BTG4: variants seen among roughly 807,000 people sequenced by gnomAD.
BTG4 encodes the protein BTG anti-proliferation factor 4.
BTG4 carries 10 observed loss-of-function variants against 19.3 expected under a neutral mutation model. The observed-to-expected ratio is 0.52, with a 90% CI of 0.32 to 0.88. The LOEUF is 0.88. BTG4 is among the 40% of genes least tolerant of loss of function. The pLI is 0.04. For missense variants in BTG4, 238 were observed against 281.9 expected (o/e 0.84, Z 1.11); for synonymous variants, 91 against 95.7 (o/e 0.95, Z 0.29).
At chr11:111,389,634 T>G in the BTG4 span, among the ~76,000 whole-genome samples, 1 of 152,268 alleles carries the variant, frequency 6.6e-6, no homozygotes, top group Non-Finnish European at 1.5e-5. Flanking sequence ...TACTACTTTT[T>G]CATTAATAAT....
At chr11:111,510,325 C>G (rs1866795413) in intron 1 of BTG4, among the ~76,000 whole-genome samples, 1 of 152,196 alleles carries the variant, frequency 6.6e-6, no homozygotes, top group African/African-American at 2.4e-5. Flanking sequence ...GTTTTCTACA[C>G]TCTTCTTGGC....
the BTG4 span, among the ~76,000 whole-genome samples, chr11:111,407,366 G>A: frequency 1.8e-4 from 27 of 152,094 alleles, no homozygotes; most frequent in Non-Finnish European, 7.3e-5. Flanking sequence ...AGAGAAAGAT[G>A]TAGTTATAAA....
chr11:111,442,711 A>G, the BTG4 span, among the ~76,000 whole-genome samples: 43 of 1,866 alleles, frequency 0.023, no homozygotes, highest in South Asian at 0.47. Flanking sequence ...AAGACAGGGA[A>G]AAAAAAAAAC....
chr11:111,402,580 G>A, the BTG4 span, among the ~76,000 whole-genome samples: 1 of 152,080 alleles, frequency 6.6e-6, no homozygotes, highest in Non-Finnish European at 1.5e-5. Context: ...ACTAGCAGAC[G>A]CTCAACAAAT....
At chr11:111,399,336 C>T in the BTG4 span, 1 of 152,182 alleles carries the variant, frequency 6.6e-6, no homozygotes, top group Non-Finnish European at 1.5e-5. Context: ...AAAGCTCTTC[C>T]CCGACCTCCT....
chr11:111,509,929 T>C (rs1322258339), intron 1 of BTG4, among the ~76,000 whole-genome samples: 42 of 145,110 alleles, frequency 2.9e-4, no homozygotes, highest in Non-Finnish European at 1.5e-4. Flanking sequence ...TTTTTTTTTT[T>C]GAGATGGAGT....
intron 3 of BTG4, among the ~76,000 whole-genome samples, chr11:111,497,694 A>T (rs542056217): frequency 2.0e-5 from 3 of 152,340 alleles, no homozygotes; most frequent in Non-Finnish European, 4.4e-5. Context: ...TGTTGCCTAT[A>T]ACACTTATCT....
chr11:111,424,756 G>A, the BTG4 span, among the ~76,000 whole-genome samples: 41 of 152,182 alleles, frequency 2.7e-4, no homozygotes, highest in Non-Finnish European at 1.0e-4. Context: ...TCAAGAGTTC[G>A]AGACCAGCCT....
At chr11:111,422,012 G>A in the BTG4 span, among the ~76,000 whole-genome samples, 1 of 152,284 alleles carries the variant, frequency 6.6e-6, no homozygotes, top group South Asian at 2.1e-4. Context: ...AGTTGCTGGA[G>A]AGCAAGTCAA....
intron 5 of BTG4, among the ~76,000 whole-genome samples, chr11:111,480,837 T>C (rs1013246581): frequency 1.3e-5 from 2 of 151,312 alleles, no homozygotes; most frequent in African/African-American, 4.8e-5. Flanking sequence ...GTATATACAT[T>C]AGAAAAGAGG....
At chr11:111,488,386 G>A (rs1471590078) in intron 5 of BTG4, among the ~76,000 whole-genome samples, 1 of 152,090 alleles carries the variant, frequency 6.6e-6, no homozygotes, top group African/African-American at 2.4e-5. Flanking sequence ...GGGGAAAACT[G>A]GATATCCATA....
At chr11:111,439,092 C>T in the BTG4 span, among the ~76,000 whole-genome samples, 2 of 152,352 alleles carry the variant, frequency 1.3e-5, no homozygotes, top group East Asian at 3.9e-4. Flanking sequence ...GGTTGGGACC[C>T]CAGGGAGGCT....
chr11:111,491,681 G>A (rs1395994161), downstream of BTG4, among the ~76,000 whole-genome samples: 1 of 146,094 alleles, frequency 6.8e-6, no homozygotes, highest in Non-Finnish European at 1.5e-5. Context: ...GCTGCAGTGA[G>A]CTATGATTGC....
chr11:111,512,156 A>G (rs1244892577), intron 1 of BTG4, 25 bp downstream of exon 1: 1 of 152,204 alleles, frequency 6.6e-6, no homozygotes, highest in Non-Finnish European at 1.5e-5. Context: ...CCATTTGGAA[A>G]ATTCAAACCT....
chr11:111,494,106 C>T (rs534124720), downstream of BTG4, among the ~76,000 whole-genome samples: 7 of 152,136 alleles, frequency 4.6e-5, no homozygotes, highest in East Asian at 1.2e-3. Flanking sequence ...AAGATACAAG[C>T]GGCTGGAGAA....
chr11:111,420,729 A>G, the BTG4 span, among the ~76,000 whole-genome samples: 58 of 152,378 alleles, frequency 3.8e-4, no homozygotes, highest in Admixed American at 1.8e-3. Context: ...TCATGCATTC[A>G]TTCAACACAT....
chr11:111,444,141 C>T, the BTG4 span, among the ~76,000 whole-genome samples: 1 of 151,940 alleles, frequency 6.6e-6, no homozygotes, highest in Non-Finnish European at 1.5e-5. Flanking sequence ...TGACAATGTT[C>T]CATGAACTGA....
At chr11:111,441,282 G>A in the BTG4 span, among the ~76,000 whole-genome samples, 1 of 152,078 alleles carries the variant, frequency 6.6e-6, no homozygotes, top group Non-Finnish European at 1.5e-5. Context: ...AGGGCTCTGG[G>A]GAGTAGGGGA....
At chr11:111,429,604 T>G in the BTG4 span, among the ~76,000 whole-genome samples, 1 of 152,194 alleles carries the variant, frequency 6.6e-6, no homozygotes, top group Non-Finnish European at 1.5e-5. Context: ...AAAAGGGACA[T>G]TTCTGGAGCT....
Sources: gnomAD v4.1 joint callset for allele counts (sites outside exome capture counted in the v4.1 genomes callset) on GRCh38, gnomAD v4.1.1 for gene constraint, MANE v1.5 for transcripts, NCBI Gene and HGNC (gene_info 2026-07-23, HGNC 2026-07-21) for gene names.